The following RUFY2 variants were observed in gnomAD, a reference collection of about 807,000 sequenced individuals.
RUFY2 encodes the protein RUN and FYVE domain containing 2.
In RUFY2, 49 loss-of-function variants were observed where a neutral mutation model predicts 94.4. The observed-to-expected ratio is 0.52, with a 90% CI of 0.41 to 0.66. RUFY2 has a LOEUF of 0.66. Ranked by LOEUF, RUFY2 falls within the 30% of genes least tolerant of loss-of-function variation. The pLI is 0.00. For missense variants in RUFY2, 541 were observed against 692.8 expected (o/e 0.78, Z 2.46); for synonymous variants, 255 against 235.7 (o/e 1.08, Z -0.75).
At chr10:68,397,924 C>T (rs61855078) in intron 3 of RUFY2, among the ~76,000 whole-genome samples, 16,474 of 151,508 alleles carry the variant, frequency 0.11, 1,103 homozygotes, top group South Asian at 0.24. Context: ...GTCAGGAGTT[C>T]GAAAGAAGCC....
intron 15 of RUFY2, among the ~76,000 whole-genome samples, chr10:68,357,935 C>T (rs182982038): frequency 3.0e-4 from 45 of 152,234 alleles, no homozygotes; most frequent in African/African-American, 2.4e-4. Flanking sequence ...TGCCTGTAAT[C>T]GCAGCACTTT....
At chr10:68,355,325 TC>T in intron 16 of RUFY2, 27 bp downstream of exon 16, 1 of 1,562,244 alleles carries the variant, frequency 6.4e-7, no homozygotes, top group Non-Finnish European at 8.8e-7. Context: ...TCACATACCT[TC>T]CCACTTTAGG....
rs993508873 is a variant in RUFY2 at position 68,345,705 on chromosome 10, T to G, written c.*63A>C. 2.1e-5 allele frequency: 31 copies of G among 1,498,468 alleles called. No individual in the cohort carries two copies. The African/African-American group carries it at 3.9e-4, about 19-fold the overall frequency. The allele number at this position is 1,498,468 out of a possible 1,614,324, so 92.8% of individuals were successfully genotyped here. ...TTAAGGAGAGCTGTCTGGTTACCTT[T>G]GTATACAACATCATAACATTCATTG... On this transcript the variant is annotated 3_prime_UTR_variant, in exon 18 of 18. Transcript: ENST00000602465.
At chr10:68,348,833 CCTAGAGAGCTGA>C (rs1410842547) in intron 16 of RUFY2, among the ~76,000 whole-genome samples, 1 of 152,158 alleles carries the variant, frequency 6.6e-6, no homozygotes, top group Non-Finnish European at 1.5e-5. Flanking sequence ...AAACTTAAAG[CCTAGAGAGCTGA>C]AGCTGCCTGC....
chr10:68,406,992 A>C (rs2051376443), intron 1 of RUFY2, 194 bp downstream of exon 1: 1 of 1,513,590 alleles, frequency 6.6e-7, no homozygotes, highest in African/African-American at 1.4e-5. Context: ...GGGCCGGAAC[A>C]AGGGAGGGGG....
At chr10:68,377,539 CATATATGTTTAAGATTCAAA>C (rs2048760644) in intron 12 of RUFY2, 3 of 985,236 alleles carry the variant, frequency 3.0e-6, no homozygotes, top group Non-Finnish European at 3.6e-6. Context: ...TGCACGTGTG[CATATATGTTTAAGATTCAAA>C]AAGAATTTGG....
At chr10:68,370,477 T>C (rs1589853749) in intron 13 of RUFY2, among the ~76,000 whole-genome samples, 1 of 123,734 alleles carries the variant, frequency 8.1e-6, no homozygotes, top group Non-Finnish European at 1.6e-5. Flanking sequence ...TGAGACAGAG[T>C]CTTGCTGAAA....
intron 1 of RUFY2, among the ~76,000 whole-genome samples, 177 bp from the exon 2 acceptor site, chr10:68,405,021 T>C (rs1418685946): frequency 6.6e-6 from 1 of 152,052 alleles, no homozygotes; most frequent in East Asian, 1.9e-4. Context: ...ACATATACTG[T>C]AAAAAATTTC....
intron 7 of RUFY2, among the ~76,000 whole-genome samples, chr10:68,389,202 T>C (rs1037525618): frequency 6.6e-6 from 1 of 152,130 alleles, no homozygotes; most frequent in African/African-American, 2.4e-5. Context: ...CCCGGTGCAA[T>C]GAAACATTTA....
intron 13 of RUFY2, 61 bp downstream of exon 13, chr10:68,376,792 T>C (rs577860555): frequency 1.4e-6 from 2 of 1,472,704 alleles, no homozygotes; most frequent in African/African-American, 2.8e-5. Flanking sequence ...TATCATTATG[T>C]GCAAAAAAAT....
intron 13 of RUFY2, among the ~76,000 whole-genome samples, chr10:68,373,486 G>A (rs150528056): frequency 1.7e-3 from 260 of 152,290 alleles, no homozygotes; most frequent in African/African-American, 6.0e-3. Flanking sequence ...CATGAAGCAG[G>A]CCAAGCATGA....
In RUFY2 at chr10:68,343,939, A is replaced by G. The variant is rs1273735594; in HGVS notation, c.*1829T>C. The G allele has an allele frequency of 6.6e-6, 1 of 152,112 alleles. No individual in the cohort carries two copies. The highest frequency in any genetic ancestry group is 1.5e-5 in the Non-Finnish European group (1 of 67,990). The allele number at this position is 152,112 out of a possible 1,614,324, so 9.4% of individuals were successfully genotyped here. On this transcript the variant is annotated 3_prime_UTR_variant, in exon 18 of 18. Coordinates refer to ENST00000602465, the MANE Select transcript of RUFY2 (RefSeq NM_001330103.2). The stretch of plus-strand genomic sequence containing the variant: ...TGAAATTAGCCTTGGAATTTAAGCA[A>G]CTTAAGTCACATTTTAAAATTTGTT...
intron 1 of RUFY2, chr10:68,405,324 A>AG: frequency 1.2e-4 from 40 of 320,686 alleles, no homozygotes; most frequent in Middle Eastern, 1.6e-3. Context: ...AAAAAAAAAA[A>AG]AAAGAAAAAG....
intron 2 of RUFY2, among the ~76,000 whole-genome samples, chr10:68,402,717 C>T (rs1177362669): frequency 7.2e-6 from 1 of 137,978 alleles, no homozygotes; most frequent in African/African-American, 3.2e-5. Flanking sequence ...GAGTGAGACC[C>T]CCATCTCAAA....
chr10:68,347,918 T>TAA (rs10689838), intron 16 of RUFY2, among the ~76,000 whole-genome samples: 22,532 of 152,134 alleles, frequency 0.15, 1,958 homozygotes, highest in South Asian at 0.25. Context: ...AGAGTTTTCT[T>TAA]AAGACTTTTC....
Position 68,363,604 on chromosome 10 carries a change from G to C in RUFY2, c.1536C>G (p.Gly512=). 1 of 1,598,102 alleles carries C rather than the reference G, an allele frequency of 6.3e-7. No individual in the cohort carries two copies. The highest frequency in any genetic ancestry group is 8.5e-7 in the Non-Finnish European group (1 of 1,174,484). ...HEQEQALQEL[G]NKLSESKLKI... is the part of the protein sequence containing the mutation. The stretch of plus-strand genomic sequence containing the variant: ...AAAGAAATTACTCGCTAAGCTTGTT[G>C]CCGAGTTCTTGAAGAGCTTGCTCTT... The change falls in exon 15 of 18, where the codon GGC becomes GGG. Residue 512 remains glycine (G), a synonymous_variant. Transcript: ENST00000602465.
chr10:68,356,007 C>A (rs767656162), intron 15 of RUFY2, among the ~76,000 whole-genome samples: 1 of 151,080 alleles, frequency 6.6e-6, no homozygotes, highest in Non-Finnish European at 1.5e-5. Flanking sequence ...TTACTATGTG[C>A]CTTTGCATGC....
At chr10:68,401,788 T>A in intron 2 of RUFY2, 51 bp from the exon 3 acceptor site, 1 of 1,024,862 alleles carries the variant, frequency 9.8e-7, no homozygotes. Context: ...AAAACTGTAG[T>A]AACTTATTTT....
chr10:68,384,265 G>A, intron 8 of RUFY2, 113 bp from the exon 9 acceptor site: 1 of 1,325,724 alleles, frequency 7.5e-7, no homozygotes. Context: ...ACTAGCAAAA[G>A]GTCTGTCACA....
Sources: allele counts gnomAD v4.1 joint callset (sites outside exome capture counted in the v4.1 genomes callset), GRCh38; gene constraint gnomAD v4.1.1; transcripts MANE v1.5; gene names NCBI Gene and HGNC (gene_info 2026-07-23, HGNC 2026-07-21).